Variants in TRPC6 observed in about 807,000 individuals in gnomAD.
The protein encoded by TRPC6 is short transient receptor potential channel 6.
Under a neutral mutation model 90.7 loss-of-function variants are expected in TRPC6, and 55 were observed. That is an observed-to-expected ratio of 0.61 (90% confidence interval 0.49 to 0.76). The LOEUF (loss-of-function observed/expected upper bound fraction) is 0.76, where lower values mean the gene tolerates loss of function less well. TRPC6 is among the 30% of genes least tolerant of loss of function. The probability of loss-of-function intolerance (pLI) is 0.00; values close to 1 mark genes in which losing one functional copy is unlikely to be tolerated. For missense variants in TRPC6, 989 were observed against 1,122.7 expected, an observed-to-expected ratio of 0.88 and a Z score of 1.70; for synonymous variants, 393 against 393.0, an observed-to-expected ratio of 1.00 and a Z score of 0.00.
chr11:101,465,616 G>A (rs371129771), intron 10 of TRPC6, among the ~76,000 whole-genome samples: 17 of 152,042 alleles, frequency 1.1e-4, no homozygotes, highest in African/African-American at 3.1e-4. Context: ...CAAAGTTTTC[G>A]TGCTGTGTTT....
At chr11:101,537,226 C>A (rs1187053139) in intron 1 of TRPC6, among the ~76,000 whole-genome samples, 2 of 151,958 alleles carry the variant, frequency 1.3e-5, no homozygotes, top group Non-Finnish European at 2.9e-5. Context: ...TATATTATAC[C>A]TTTTTTTCAA....
intron 10 of TRPC6, among the ~76,000 whole-genome samples, chr11:101,460,758 A>G (rs2136648691): frequency 6.6e-6 from 1 of 152,292 alleles, no homozygotes; most frequent in African/African-American, 2.4e-5. Context: ...AATGGTTAAA[A>G]TGGTAAATTT....
chr11:101,489,244 G>C, intron 3 of TRPC6, 143 bp from the exon 4 acceptor site: 2 of 787,374 alleles, frequency 2.5e-6, no homozygotes, highest in Non-Finnish European at 4.1e-6. Flanking sequence ...CAAATTAACA[G>C]GCAACAAACA....
Position 101,476,418 on chromosome 11 carries a change from C to T in TRPC6, c.1627G>A (p.Ala543Thr). 1 of 1,614,086 alleles carries T rather than the reference C, an allele frequency of 6.2e-7. No homozygotes were observed. The highest frequency in any genetic ancestry group is 8.5e-7 in the Non-Finnish European group (1 of 1,179,988). Residue 543 changes from alanine (A) to threonine (T), a missense_variant, in exon 6 of 13, where the codon GCG becomes ACG. By Grantham distance (58) the Ala-to-Thr change is moderately conservative. Coordinates refer to ENST00000344327, the MANE Select transcript of TRPC6 (RefSeq NM_004621.6). ...MLAIFAASFIARFMAFWHASK... is the reference protein window; with the variant it reads ...MLAIFAASFITRFMAFWHASK... ...GCATGCCAAAATGCCATGAATCTCG[C>T]AATGAATGATGCTGCGAAAATTGCT...
At position 101,556,621 on chromosome 11, in the gene TRPC6, G is replaced by C. The variant is rs536362586; in HGVS notation, c.170+26713C>G. Among the ~76,000 whole-genome samples the C allele has an allele frequency of 9.3e-4, 141 of 152,222 alleles. 1 individual carries two copies. The Middle Eastern group carries it at 0.01, about 11-fold the overall frequency. Reference sequence around the variant, plus strand: ...ATGGCTTCACAGCTGAATTCTACCAGACATTTAAAGAAGAAATAATACCAG... The same window carrying C: ...ATGGCTTCACAGCTGAATTCTACCACACATTTAAAGAAGAAATAATACCAG... On this transcript the variant is annotated intron_variant, in intron 1 of 12. Transcript: ENST00000344327.
chr11:101,463,651 G>A, intron 10 of TRPC6, among the ~76,000 whole-genome samples: 1 of 152,124 alleles, frequency 6.6e-6, no homozygotes, highest in East Asian at 1.9e-4. Context: ...GATCAGTGGT[G>A]ATATCCCCTA....
At position 101,453,775 on chromosome 11, in the gene TRPC6, A is replaced by T. The variant is rs749446439; in HGVS notation, c.2569-50T>A. The stretch of plus-strand genomic sequence containing the variant: ...CTATGTCAGTTTCAGGTTCATGACA[A>T]ATCTCTCATTTGGAACAAGTTTCAG... On this transcript the variant is annotated intron_variant, in intron 11 of 12. Coordinates refer to ENST00000344327, the MANE Select transcript of TRPC6 (RefSeq NM_004621.6). The T allele has an allele frequency of 3.2e-6, 5 of 1,555,340 alleles. No homozygotes were observed. In the Admixed American group the frequency reaches 6.7e-5, roughly 21 times the overall value.
intron 1 of TRPC6, among the ~76,000 whole-genome samples, chr11:101,555,249 G>A (rs1310051428): frequency 6.6e-6 from 1 of 152,202 alleles, no homozygotes; most frequent in Non-Finnish European, 1.5e-5. Context: ...GTGTCAACGG[G>A]TCATGGAACA....
intron 10 of TRPC6, among the ~76,000 whole-genome samples, chr11:101,460,736 T>C (rs1858985841): frequency 1.3e-5 from 2 of 152,180 alleles, no homozygotes; most frequent in African/African-American, 4.8e-5. Flanking sequence ...GCTCCTGAAC[T>C]ATATGCTTAA....
intron 1 of TRPC6, among the ~76,000 whole-genome samples, chr11:101,540,296 T>A (rs1419574794): frequency 1.3e-5 from 2 of 152,190 alleles, no homozygotes; most frequent in Non-Finnish European, 2.9e-5. Context: ...ATGCAGGGTC[T>A]AAGGAACATT....
chr11:101,493,626 C>G (rs1859878783), intron 2 of TRPC6, among the ~76,000 whole-genome samples: 1 of 152,172 alleles, frequency 6.6e-6, no homozygotes, highest in African/African-American at 2.4e-5. Flanking sequence ...TGGGCAAATA[C>G]CGTTCCCATT....
At chr11:101,484,008 CTG>C (rs1017270764) in intron 4 of TRPC6, among the ~76,000 whole-genome samples, 1 of 152,104 alleles carries the variant, frequency 6.6e-6, no homozygotes, top group African/African-American at 2.4e-5. Context: ...AAAACTTAAG[CTG>C]TGTGTGCAGT....
intron 10 of TRPC6, among the ~76,000 whole-genome samples, chr11:101,466,670 A>T (rs1859153066): frequency 6.6e-6 from 1 of 152,184 alleles, no homozygotes; most frequent in Non-Finnish European, 1.5e-5. Flanking sequence ...ACCGAGCCAG[A>T]CCACTTGTCT....
intron 5 of TRPC6, among the ~76,000 whole-genome samples, chr11:101,480,628 C>CA (rs1212383338): frequency 2.7e-5 from 4 of 150,718 alleles, no homozygotes; most frequent in Admixed American, 1.3e-4. Flanking sequence ...CTAAAACAGT[C>CA]ATGTTTTGCC....
Position 101,452,737 on chromosome 11 carries a change from G to A in TRPC6, c.*218C>T, listed in dbSNP as rs190606820. On this transcript the variant is annotated 3_prime_UTR_variant, in exon 13 of 13. Coordinates refer to ENST00000344327, the MANE Select transcript of TRPC6 (RefSeq NM_004621.6). ...TTTATAAAACAAGCACCAAACAACT[G>A]GGCATAATTTTCCTCATTATCTACA... The A allele has an allele frequency of 1.2e-3, 660 of 555,742 alleles. No individual in the cohort carries two copies. The highest frequency in any genetic ancestry group is 1.8e-3 in the Non-Finnish European group (573 of 312,640). The allele number at this position is 555,742 out of a possible 1,614,324, so 34.4% of individuals were successfully genotyped here.
intron 1 of TRPC6, among the ~76,000 whole-genome samples, chr11:101,529,728 C>T (rs1565231358): frequency 2.0e-5 from 3 of 152,116 alleles, no homozygotes; most frequent in Non-Finnish European, 4.4e-5. Flanking sequence ...AATAGGAGGC[C>T]CCCTGCTCAT....
At chr11:101,582,454 T>G (rs1862218513) in intron 1 of TRPC6, among the ~76,000 whole-genome samples, 2 of 152,046 alleles carry the variant, frequency 1.3e-5, no homozygotes, top group Admixed American at 1.3e-4. Context: ...GGGACAGAAA[T>G]GCTATCTGCC....
At position 101,569,079 on chromosome 11, in the gene TRPC6, A is replaced by G. The variant is rs1201445238; in HGVS notation, c.170+14255T>C. On this transcript the variant is annotated intron_variant, in intron 1 of 12. Coordinates refer to ENST00000344327, the MANE Select transcript of TRPC6 (RefSeq NM_004621.6). ...ACACAGAATGGCAAGTTGGATGAAG[A>G]GTCAAGACACATCAGTGTGCTGTAT... Among the ~76,000 whole-genome samples the G allele has an allele frequency of 2.6e-5, 4 of 152,172 alleles. No individual in the cohort carries two copies. In the East Asian group the frequency reaches 7.7e-4, roughly 29 times the overall value.
At chr11:101,565,949 C>G (rs1007246039) in intron 1 of TRPC6, among the ~76,000 whole-genome samples, 1 of 152,108 alleles carries the variant, frequency 6.6e-6, no homozygotes, top group Admixed American at 6.5e-5. Context: ...CATGTTTAGA[C>G]AAGGACTTAC....
Sources: allele counts gnomAD v4.1 joint callset (sites outside exome capture counted in the v4.1 genomes callset), GRCh38; gene constraint gnomAD v4.1.1; transcripts MANE v1.5; gene names NCBI Gene and HGNC (gene_info 2026-07-23, HGNC 2026-07-21).